NDUFV3: variants seen among roughly 807,000 people sequenced by gnomAD.
The protein encoded by NDUFV3 is NADH:ubiquinone oxidoreductase subunit V3, also known as NADH dehydrogenase [ubiquinone] flavoprotein 3, mitochondrial.
A neutral mutation model predicts 37.5 loss-of-function variants in NDUFV3; 44 were observed. The ratio of observed to expected loss-of-function variants is 1.17; its 90% CI spans 0.92 to 1.51. NDUFV3 has a LOEUF of 1.51. NDUFV3 is among the 40% of genes most tolerant of loss of function. The pLI, the probability that NDUFV3 is intolerant of heterozygous loss-of-function variation, is 0.00. For missense variants in NDUFV3, 580 were observed against 580.4 expected, an observed-to-expected ratio of 1.00 and a Z score of 0.01; for synonymous variants, 235 against 239.3, an observed-to-expected ratio of 0.98 and a Z score of 0.17.
At chr21:42,908,799 G>A in intron 3 of NDUFV3, 65 bp from the exon 4 acceptor site, 1 of 1,590,568 alleles carries the variant, frequency 6.3e-7, no homozygotes, top group Non-Finnish European at 8.6e-7. Flanking sequence ...GCCTGTGTGT[G>A]AGCCGAGTCA....
Position 42,912,899 on chromosome 21 carries a change from A to C in NDUFV3, c.*3878A>C, listed in dbSNP as rs573852515. 1 of 146,918 alleles carries C rather than the reference A, an allele frequency of 6.8e-6. No individual in the cohort carries two copies. The highest frequency in any genetic ancestry group is 1.5e-5 in the Non-Finnish European group (1 of 66,732). 9.1% of individuals were successfully genotyped at this position (146,918 alleles called of 1,614,324 possible). ...AGAGCAAGACTCCGTCTCAAAAAAAAAAAACAAAAAAAAAATTAGCCGGGC... is the reference window on the plus strand; with the variant it reads ...AGAGCAAGACTCCGTCTCAAAAAAACAAAACAAAAAAAAAATTAGCCGGGC... On this transcript the variant is annotated 3_prime_UTR_variant, in exon 4 of 4. Transcript: ENST00000354250.
At chr21:42,897,843 A>AT (rs1471068968) in intron 2 of NDUFV3, among the ~76,000 whole-genome samples, 9 of 150,934 alleles carry the variant, frequency 6.0e-5, no homozygotes, top group African/African-American at 1.7e-4. Context: ...TGCCCAGCTA[A>AT]TTTTTTACAT....
intron 3 of NDUFV3, among the ~76,000 whole-genome samples, chr21:42,904,726 T>C (rs2058734155): frequency 6.6e-6 from 1 of 151,654 alleles, no homozygotes; most frequent in African/African-American, 2.4e-5. Context: ...CCTCAGGCAA[T>C]TCACCCGCCT....
rs368952691 is a variant in NDUFV3, at chr21:42,903,298, G to T, written c.286G>T (p.Val96Leu). 6.2e-7 allele frequency: 1 copy of T among 1,614,184 alleles called. No individual in the cohort carries two copies. Among genetic ancestry groups the T allele is most frequent in the Admixed American group, 1.7e-5 (1 of 60,010 alleles). The change falls in exon 3 of 4, where the codon GTA becomes TTA. Residue 96 changes from valine (V) to leucine (L), a missense_variant. By Grantham distance (32) the Val-to-Leu change is conservative. Coordinates refer to ENST00000354250, the MANE Select transcript of NDUFV3 (RefSeq NM_021075.4). ...GCCAGCTGTGAATAAGGGCAGGAAG[G>T]TAGCTAGTCCCAGTCCCAGTGGCAG... is the stretch of plus-strand genomic sequence containing the variant. ...YPPAVNKGRK[V>L]ASPSPSGSVL...
intron 3 of NDUFV3, among the ~76,000 whole-genome samples, chr21:42,907,065 A>G (rs2058745208): frequency 6.6e-6 from 1 of 152,186 alleles, no homozygotes; most frequent in Non-Finnish European, 1.5e-5. Context: ...TTGAGTCAGT[A>G]CAAATCTTAA....
rs748082655 is a variant in NDUFV3 at position 42,903,617 on chromosome 21, C to G, written c.605C>G (p.Thr202Arg). ...TTTGAAAACAGAGCCCCCCGAGTTACAGTATCAGCAAAAGAGAAAACCTTG... is the reference window on the plus strand; with the variant it reads ...TTTGAAAACAGAGCCCCCCGAGTTAGAGTATCAGCAAAAGAGAAAACCTTG... ...HSFENRAPRV[T>R]VSAKEKTLLQ... Residue 202 changes from threonine to arginine, a missense_variant, in exon 3 of 4, where the codon ACA becomes AGA. Physicochemically the swap from Thr to Arg is moderately conservative, Grantham distance 71. Coordinates refer to ENST00000354250, the MANE Select transcript of NDUFV3 (RefSeq NM_021075.4). The G allele has an allele frequency of 8.1e-6, 13 of 1,613,832 alleles. No individual in the cohort carries two copies. The highest frequency in any genetic ancestry group is 1.0e-5 in the Non-Finnish European group (12 of 1,180,014).
chr21:42,908,807 T>A (rs1455089654), intron 3 of NDUFV3, 57 bp from the exon 4 acceptor site: 2 of 1,603,648 alleles, frequency 1.2e-6, no homozygotes, highest in Non-Finnish European at 1.7e-6. Flanking sequence ...GTGAGCCGAG[T>A]CATTCATAAA....
chr21:42,906,846 C>G (rs1478804368), intron 3 of NDUFV3: 1 of 518,766 alleles, frequency 1.9e-6, no homozygotes, highest in Admixed American at 1.9e-5. Flanking sequence ...GAAGGTGTCC[C>G]TACACCACAC....
chr21:42,894,150 G>C lies in NDUFV3; in HGVS notation c.48+769G>C, dbSNP rs921363393. Among the ~76,000 whole-genome samples, 8 of 148,700 alleles carry C rather than the reference G, an allele frequency of 5.4e-5. No individual in the cohort carries two copies. The Admixed American group carries it at 5.5e-4, about 10-fold the overall frequency. On this transcript the variant is annotated intron_variant, in intron 1 of 3. Transcript: ENST00000354250. ...GGATCCCATGAACCCGGGACGCGGA[G>C]GTTGCAGTGAGCCGAGATCATACCA...
At chr21:42,907,306 A>G (rs2058746122) in intron 3 of NDUFV3, among the ~76,000 whole-genome samples, 1 of 152,130 alleles carries the variant, frequency 6.6e-6, no homozygotes, top group Admixed American at 6.6e-5. Context: ...TTTTTATTTG[A>G]CAGACGTGCT....
At chr21:42,898,720 C>T (rs889154868) in intron 2 of NDUFV3, among the ~76,000 whole-genome samples, 1 of 152,192 alleles carries the variant, frequency 6.6e-6, no homozygotes, top group East Asian at 1.9e-4. Context: ...ATCTCCCTGC[C>T]TCAAACTCCC....
intron 1 of NDUFV3, among the ~76,000 whole-genome samples, chr21:42,896,468 G>A (rs2058691854): frequency 6.6e-6 from 1 of 151,700 alleles, no homozygotes. Flanking sequence ...TGTATTTTTA[G>A]TAGAGACGGG....
At chr21:42,894,301 A>ATG (rs1311078762) in intron 1 of NDUFV3, among the ~76,000 whole-genome samples, 1 of 100,314 alleles carries the variant, frequency 1.0e-5, no homozygotes, top group East Asian at 2.3e-4. Flanking sequence ...CAGAATATAT[A>ATG]TGCGTGTGTG....
chr21:42,894,517 AT>A (rs1239236433), intron 1 of NDUFV3, among the ~76,000 whole-genome samples: 2 of 95,400 alleles, frequency 2.1e-5, no homozygotes, highest in Non-Finnish European at 3.8e-5. Context: ...ATATTTATAT[AT>A]TATATATAAT....
At chr21:42,896,459 G>C (rs2058691836) in intron 1 of NDUFV3, among the ~76,000 whole-genome samples, 1 of 151,492 alleles carries the variant, frequency 6.6e-6, no homozygotes, top group Non-Finnish European at 1.5e-5. Flanking sequence ...CCTTTTTTTT[G>C]TATTTTTAGT....
At position 42,903,169 on chromosome 21, in the gene NDUFV3, T is replaced by C. The variant is rs1373850115; in HGVS notation, c.170-13T>C. 2.5e-6 allele frequency: 4 copies of C among 1,614,050 alleles called. No homozygotes were observed. Among genetic ancestry groups the C allele is most frequent in the Non-Finnish European group, 3.4e-6 (4 of 1,180,034 alleles). On this transcript the variant is annotated splice_polypyrimidine_tract_variant and intron_variant, in intron 2 of 3. Coordinates refer to ENST00000354250, the MANE Select transcript of NDUFV3 (RefSeq NM_021075.4). ...TTTTGTTAAATAACATTCCTCTTTATGCCGTTTCCCAGATGTAGTGGAACC... is the reference window on the plus strand; with the variant it reads ...TTTTGTTAAATAACATTCCTCTTTACGCCGTTTCCCAGATGTAGTGGAACC...
intron 1 of NDUFV3, among the ~76,000 whole-genome samples, chr21:42,895,421 G>T (rs760929306): frequency 6.6e-6 from 1 of 152,140 alleles, no homozygotes; most frequent in Non-Finnish European, 1.5e-5. Context: ...GGCGGAGATT[G>T]TAGTGAGCCG....
Position 42,894,428 on chromosome 21 carries a change from A to AT in NDUFV3, c.48+1047_48+1048insT, listed in dbSNP as rs1200489031. Among the ~76,000 whole-genome samples the AT allele has an allele frequency of 9.2e-4, 29 of 31,536 alleles. No individual in the cohort carries two copies. In the African/African-American group the frequency reaches 0.01, roughly 11 times the overall value. 20.7% of individuals were successfully genotyped at this position (31,536 alleles called of 152,430 possible). On this transcript the variant is annotated intron_variant, in intron 1 of 3. Coordinates refer to ENST00000354250, the MANE Select transcript of NDUFV3 (RefSeq NM_021075.4). The stretch of plus-strand genomic sequence containing the variant: ...TATATAATATATAATATATTATATA[A>AT]ATATATATTATATAATATATATAAT...
intron 3 of NDUFV3, chr21:42,906,711 C>T (rs2058743550): frequency 1.4e-5 from 5 of 359,392 alleles, no homozygotes; most frequent in South Asian, 1.1e-4. Flanking sequence ...GCCGCGGTCT[C>T]ACTAGGCAGT....
Sources: gnomAD v4.1 joint callset for allele counts (sites outside exome capture counted in the v4.1 genomes callset) on GRCh38, gnomAD v4.1.1 for gene constraint, MANE v1.5 for transcripts, NCBI Gene and HGNC (gene_info 2026-07-23, HGNC 2026-07-21) for gene names.